SCN4B: variants seen among roughly 807,000 people sequenced by gnomAD.
SCN4B encodes the protein sodium channel regulatory subunit beta-4.
A neutral mutation model predicts 19.6 loss-of-function variants in SCN4B; 20 were observed. That is an observed-to-expected ratio of 1.02 (90% CI 0.72 to 1.48). The LOEUF (loss-of-function observed/expected upper bound fraction) is 1.48, where lower values mean the gene tolerates loss of function less well. Ranked by LOEUF, SCN4B falls within the 40% of genes most tolerant of loss-of-function variation. The probability of loss-of-function intolerance (pLI) is 0.00; values close to 1 mark genes in which losing one functional copy is unlikely to be tolerated. For synonymous variants in SCN4B, 127 were observed against 122.8 expected, an observed-to-expected ratio of 1.03 and a Z score of -0.22; for missense variants, 271 against 287.5, an observed-to-expected ratio of 0.94 and a Z score of 0.42.
Position 118,134,907 on chromosome 11 carries a change from T to A in SCN4B, c.*2120A>T, listed in dbSNP as rs45460396. On this transcript the variant is annotated 3_prime_UTR_variant, in exon 5 of 5. Coordinates refer to ENST00000324727, the MANE Select transcript of SCN4B (RefSeq NM_174934.4). ...ATTTGGTAGATGGAAAGAGCTGAGC[T>A]GAGAGAAGCTGCATGATCCATCTAG... 2 of 453,936 alleles carry A rather than the reference T, an allele frequency of 4.4e-6. No homozygotes were observed. Among genetic ancestry groups the A allele is most frequent in the East Asian group, 7.0e-5 (1 of 14,382 alleles). The allele number at this position is 453,936 out of a possible 1,614,324, so 28.1% of individuals were successfully genotyped here. A position where few individuals can be genotyped will look rare whatever the true frequency, so the allele number is the denominator to read the frequency against.
Position 118,136,043 on chromosome 11 carries a change from G to T in SCN4B, c.*984C>A, listed in dbSNP as rs748377170. 138 of 438,512 alleles carry T rather than the reference G, an allele frequency of 3.1e-4. 1 individual carries two copies. The highest frequency in any genetic ancestry group is 2.9e-3 in the Middle Eastern group (4 of 1,374). The allele number at this position is 438,512 out of a possible 1,614,324, so 27.2% of individuals were successfully genotyped here. On this transcript the variant is annotated 3_prime_UTR_variant, in exon 5 of 5. Transcript: ENST00000324727. ...GGCGTGATGGAGGGCACGGTGGGGG[G>T]GGGGGAGCGAGCCAATGGGAGGTTG...
chr11:118,143,281 G>T (rs1258449101), intron 3 of SCN4B, among the ~76,000 whole-genome samples: 1 of 152,146 alleles, frequency 6.6e-6, no homozygotes, highest in Non-Finnish European at 1.5e-5. Context: ...TAGGATGTAA[G>T]CCCCCAGAGG....
At chr11:118,142,016 C>T (rs1460326493) in intron 3 of SCN4B, among the ~76,000 whole-genome samples, 2 of 152,216 alleles carry the variant, frequency 1.3e-5, no homozygotes, top group Non-Finnish European at 2.9e-5. Flanking sequence ...TCCAAGCTAC[C>T]TGAGAATCCT....
intron 4 of SCN4B, among the ~76,000 whole-genome samples, chr11:118,137,467 T>C (rs1448479686): frequency 6.6e-6 from 1 of 152,066 alleles, no homozygotes; most frequent in Non-Finnish European, 1.5e-5. Flanking sequence ...GGTCAGGAGT[T>C]CGAGACCAGC....
chr11:118,134,700 G>A lies in SCN4B; in HGVS notation c.*2327C>T. On this transcript the variant is annotated 3_prime_UTR_variant, in exon 5 of 5. Coordinates refer to ENST00000324727, the MANE Select transcript of SCN4B (RefSeq NM_174934.4). Reference sequence around the variant, plus strand: ...GGATGGAAAGAAAGAGAGAGAGAGTGTGTGTGTCTGTATGTGGGTTGTAGA... The same window carrying A: ...GGATGGAAAGAAAGAGAGAGAGAGTATGTGTGTCTGTATGTGGGTTGTAGA... 2.2e-6 allele frequency: 1 copy of A among 454,128 alleles called. No individual in the cohort carries two copies. Among genetic ancestry groups the A allele is most frequent in the South Asian group, 1.6e-5 (1 of 64,472 alleles). 28.1% of individuals were successfully genotyped at this position (454,128 alleles called of 1,614,324 possible). A position where few individuals can be genotyped will look rare whatever the true frequency, so the allele number is the denominator to read the frequency against.
chr11:118,141,398 C>T (rs766951432), intron 3 of SCN4B, 62 bp from the exon 4 acceptor site: 114 of 1,607,224 alleles, frequency 7.1e-5, no homozygotes, highest in East Asian at 2.9e-4. Flanking sequence ...AACCTGGAGC[C>T]GAGAACTGTG....
chr11:118,145,800 TCCCTGGTC>T (rs1948166565), intron 1 of SCN4B: 1 of 203,688 alleles, frequency 4.9e-6, no homozygotes, highest in South Asian at 7.7e-5. Context: ...TGGAGGCTCC[TCCCTGGTC>T]CCCAGGGGCA....
Position 118,133,661 on chromosome 11 carries a change from C to T in SCN4B, c.*3366G>A. 2.2e-6 allele frequency: 1 copy of T among 454,524 alleles called. No homozygotes were observed. The highest frequency in any genetic ancestry group is 4.4e-6 in the Non-Finnish European group (1 of 226,798). The allele number at this position is 454,524 out of a possible 1,614,324, so 28.2% of individuals were successfully genotyped here. On this transcript the variant is annotated 3_prime_UTR_variant, in exon 5 of 5. Transcript: ENST00000324727. ...ATGCATAAGATAGTCAAAAGCACTGCATATCAGGTGGGAGGTGGGAGGGTA... is the reference window on the plus strand; with the variant it reads ...ATGCATAAGATAGTCAAAAGCACTGTATATCAGGTGGGAGGTGGGAGGGTA...
intron 4 of SCN4B, among the ~76,000 whole-genome samples, chr11:118,140,653 C>T (rs147248824): frequency 5.1e-4 from 78 of 152,370 alleles, no homozygotes; most frequent in African/African-American, 1.8e-3. Context: ...ATCTTCCCTC[C>T]CCTTCCCCTT....
chr11:118,137,221 C>T, intron 4 of SCN4B, 101 bp from the exon 5 acceptor site: 1 of 835,182 alleles, frequency 1.2e-6, no homozygotes, highest in South Asian at 1.4e-5. Context: ...CTGTGCCTCT[C>T]CCTGGCCTTC....
At chr11:118,146,647 A>G (rs1948180340) in intron 1 of SCN4B, among the ~76,000 whole-genome samples, 2 of 152,064 alleles carry the variant, frequency 1.3e-5, no homozygotes, top group South Asian at 4.2e-4. Context: ...GACAAAGTGA[A>G]GTGCTTATAT....
At position 118,148,244 on chromosome 11, in the gene SCN4B, T is replaced by G. The variant is rs971825331; in HGVS notation, c.62-3015A>C. Among the ~76,000 whole-genome samples, 3 of 152,212 alleles carry G rather than the reference T, an allele frequency of 2.0e-5. No individual in the cohort carries two copies. Among genetic ancestry groups the G allele is most frequent in the Admixed American group, 2.0e-4 (3 of 15,286 alleles). On this transcript the variant is annotated intron_variant, in intron 1 of 4. Coordinates refer to ENST00000324727, the MANE Select transcript of SCN4B (RefSeq NM_174934.4). The surrounding 1 kb of genome is among the most constrained non-coding windows in gnomAD (Gnocchi z 4.0). ...GGGTGGGCAAGCCTGGCTTCTTCAG[T>G]GCACAGCCCTCCCAGTCGGGAGTCA...
At chr11:118,143,315 C>T (rs1948123887) in intron 3 of SCN4B, among the ~76,000 whole-genome samples, 1 of 152,218 alleles carries the variant, frequency 6.6e-6, no homozygotes, top group Non-Finnish European at 1.5e-5. Context: ...CTTACTCCAT[C>T]TCTGTTGTTT....
intron 3 of SCN4B, among the ~76,000 whole-genome samples, chr11:118,143,091 C>T (rs1565455735): frequency 6.6e-6 from 1 of 152,234 alleles, no homozygotes; most frequent in Non-Finnish European, 1.5e-5. Context: ...CTCTCTGCTT[C>T]TGCACTTCCC....
chr11:118,152,234 T>C (rs890022312), intron 1 of SCN4B, among the ~76,000 whole-genome samples: 37 of 151,788 alleles, frequency 2.4e-4, no homozygotes, highest in African/African-American at 8.7e-4. Flanking sequence ...ATTCCAACAG[T>C]CACACGTGCA....
intron 1 of SCN4B, chr11:118,145,559 A>G: frequency 9.9e-7 from 1 of 1,011,514 alleles, no homozygotes; most frequent in South Asian, 1.6e-5. Context: ...TCACCTGGGG[A>G]CGCAGTGCCT....
chr11:118,140,350 T>C (rs1036578837), intron 4 of SCN4B, among the ~76,000 whole-genome samples: 1 of 151,940 alleles, frequency 6.6e-6, no homozygotes, highest in African/African-American at 2.4e-5. Context: ...TTCCATCCCC[T>C]CTTTCTAGAG....
intron 1 of SCN4B, among the ~76,000 whole-genome samples, chr11:118,150,106 A>G (rs1948220963): frequency 6.6e-6 from 1 of 152,186 alleles, no homozygotes; most frequent in African/African-American, 2.4e-5. Flanking sequence ...CAGGGGAAAC[A>G]GGGTTGTGCA....
chr11:118,143,453 C>T (rs181425375), intron 3 of SCN4B, among the ~76,000 whole-genome samples: 19 of 152,286 alleles, frequency 1.2e-4, no homozygotes, highest in Middle Eastern at 3.4e-3. Flanking sequence ...ACTTTTTAGT[C>T]CAATGCCTGA....
Sources: gnomAD v4.1 joint callset for allele counts (sites outside exome capture counted in the v4.1 genomes callset) on GRCh38, gnomAD v4.1.1 for gene constraint, Gnocchi (gnomAD v3.1) non-coding constraint, MANE v1.5 for transcripts, NCBI Gene and HGNC (gene_info 2026-07-23, HGNC 2026-07-21) for gene names.